The following HEPHL1 variants were observed in gnomAD, a reference collection of about 807,000 sequenced individuals.
The protein encoded by HEPHL1 is ferroxidase HEPHL1.
In HEPHL1, 123 loss-of-function variants were observed where a neutral mutation model predicts 122.0. The observed-to-expected ratio is 1.01, with a 90% confidence interval of 0.87 to 1.17. HEPHL1 has a LOEUF of 1.17. Ranked by LOEUF, HEPHL1 falls within the 50% of genes most tolerant of loss-of-function variation. HEPHL1 has a pLI of 0.00. For missense variants in HEPHL1, 1,452 were observed against 1,430.5 expected, an observed-to-expected ratio of 1.01 and a Z score of -0.24; for synonymous variants, 527 against 508.9, an observed-to-expected ratio of 1.04 and a Z score of -0.48.
chr11:94,057,680 C>A (rs1461849501), intron 2 of HEPHL1, among the ~76,000 whole-genome samples: 1 of 152,006 alleles, frequency 6.6e-6, no homozygotes, highest in African/African-American at 2.4e-5. Context: ...TTTCTTCAGC[C>A]CTTTACACAT....
intron 1 of HEPHL1, among the ~76,000 whole-genome samples, chr11:94,030,860 G>A (rs886985195): frequency 6.6e-6 from 1 of 152,048 alleles, no homozygotes; most frequent in Admixed American, 6.6e-5. Context: ...TGGATGCTTG[G>A]ATACAAGAGA....
rs1224791869 is a variant in HEPHL1, at chr11:94,064,476, A to G, written c.774A>G (p.Lys258=). 4 of 1,613,382 alleles carry G rather than the reference A, an allele frequency of 2.5e-6. No homozygotes were observed. Among genetic ancestry groups the G allele is most frequent in the Non-Finnish European group, 3.4e-6 (4 of 1,179,494 alleles). Residue 258 remains lysine (K), a synonymous_variant, in exon 4 of 20, where the codon AAA becomes AAG. Coordinates refer to ENST00000315765, the MANE Select transcript of HEPHL1 (RefSeq NM_001098672.2). The part of the protein sequence containing the change: ...FCTNPDSVDK[K]DAVFQRSNKM... The stretch of plus-strand genomic sequence containing the variant: ...CCAACCCTGATTCAGTTGACAAGAA[A>G]GATGCTGTTTTCCAGAGGAGTAACA...
At chr11:94,060,294 ATG>A (rs1050036898) in intron 2 of HEPHL1, among the ~76,000 whole-genome samples, 3 of 151,556 alleles carry the variant, frequency 2.0e-5, no homozygotes, top group African/African-American at 7.3e-5. Flanking sequence ...TGATATATAT[ATG>A]TGTGTGTATA....
At chr11:94,102,228 T>C (rs1946372936) in intron 14 of HEPHL1, among the ~76,000 whole-genome samples, 1 of 152,236 alleles carries the variant, frequency 6.6e-6, no homozygotes, top group Admixed American at 6.5e-5. Context: ...AGCATTATCC[T>C]GTGTATTTAA....
At chr11:94,093,674 C>T in intron 13 of HEPHL1, 34 bp downstream of exon 13, 6 of 1,600,472 alleles carry the variant, frequency 3.7e-6, no homozygotes, top group Non-Finnish European at 5.1e-6. Flanking sequence ...CACTGTCAGC[C>T]CCAAGCATGT....
chr11:94,072,674 G>C (rs1946085191), intron 6 of HEPHL1, among the ~76,000 whole-genome samples: 1 of 152,046 alleles, frequency 6.6e-6, no homozygotes, highest in African/African-American at 2.4e-5. Flanking sequence ...CAGCAAGAGA[G>C]AGAGGGATGC....
intron 8 of HEPHL1, 56 bp from the exon 9 acceptor site, chr11:94,075,118 A>G: frequency 1.4e-6 from 2 of 1,478,374 alleles, no homozygotes; most frequent in South Asian, 2.4e-5. Flanking sequence ...ACCCAGTCTG[A>G]CCAATGTAAT....
At chr11:94,109,688 C>A (rs541080457) in intron 17 of HEPHL1, among the ~76,000 whole-genome samples, 2 of 152,122 alleles carry the variant, frequency 1.3e-5, no homozygotes, top group Non-Finnish European at 2.9e-5. Flanking sequence ...CCAGGATAAA[C>A]CTTACTTGGT....
chr11:94,028,216 A>C (rs1294340311), intron 1 of HEPHL1, among the ~76,000 whole-genome samples: 1 of 152,230 alleles, frequency 6.6e-6, no homozygotes, highest in Non-Finnish European at 1.5e-5. Flanking sequence ...CTTCCCAACT[A>C]GATGGTAAAA....
intron 3 of HEPHL1, 82 bp from the exon 4 acceptor site, chr11:94,064,249 C>A: frequency 9.3e-7 from 1 of 1,073,340 alleles, no homozygotes; most frequent in Admixed American, 2.3e-5. Context: ...CCAAACTTCA[C>A]ACTTGCCTGA....
chr11:94,102,374 G>C (rs1565362886), intron 14 of HEPHL1, among the ~76,000 whole-genome samples: 1 of 152,218 alleles, frequency 6.6e-6, no homozygotes. Context: ...ATAGGGTTGA[G>C]ATTTGGAACT....
chr11:94,060,483 C>T (rs1234791011), intron 2 of HEPHL1, among the ~76,000 whole-genome samples: 2 of 152,068 alleles, frequency 1.3e-5, no homozygotes, highest in East Asian at 3.9e-4. Context: ...TTATAGATAT[C>T]ATATCCTACA....
chr11:94,052,560 A>G (rs892152145), intron 2 of HEPHL1, among the ~76,000 whole-genome samples: 1 of 152,154 alleles, frequency 6.6e-6, no homozygotes, highest in Non-Finnish European at 1.5e-5. Flanking sequence ...ATCTGCAAAT[A>G]AGGATAATCT....
In HEPHL1 at chr11:94,064,432, A is replaced by T; in HGVS notation, c.730A>T (p.Asn244Tyr). 1.9e-6 allele frequency: 3 copies of T among 1,613,158 alleles called. No individual in the cohort carries two copies. The highest frequency in any genetic ancestry group is 2.2e-5 in the East Asian group (1 of 44,858). The change falls in exon 4 of 20, where the codon AAT becomes TAT. Residue 244 changes from asparagine to tyrosine, a missense_variant. Asn to Tyr is a moderately radical substitution (Grantham distance 143). Transcript: ENST00000315765. ...GAATCAAAGCTGGTACCTCAATGAA[A>T]ATATCAAACATTTCTGCACCAACCC... is the stretch of plus-strand genomic sequence containing the variant. ...DENQSWYLNE[N>Y]IKHFCTNPDS...
chr11:94,046,091 C>CTTTTTTTTTTT (rs755367459), intron 2 of HEPHL1, among the ~76,000 whole-genome samples, 174 bp downstream of exon 2: 5,333 of 64,980 alleles, frequency 0.082, 1,508 homozygotes, highest in Middle Eastern at 0.17. Flanking sequence ...CCCTTTCTTG[C>CTTTTTTTTTTT]TTTTTTTTTT....
chr11:94,025,003 G>T (rs1258810345), intron 1 of HEPHL1, among the ~76,000 whole-genome samples: 1 of 152,034 alleles, frequency 6.6e-6, no homozygotes, highest in African/African-American at 2.4e-5. Flanking sequence ...GGAACAAGAT[G>T]GTGGGTGCCA....
chr11:94,048,734 A>G (rs940649594), intron 2 of HEPHL1, among the ~76,000 whole-genome samples: 1 of 150,262 alleles, frequency 6.7e-6, no homozygotes, highest in Non-Finnish European at 1.5e-5. Flanking sequence ...TCCTTAAATT[A>G]AGAACATTTC....
chr11:94,086,153 A>G lies in HEPHL1; in HGVS notation c.2044A>G (p.Met682Val), dbSNP rs1253985527. The G allele has an allele frequency of 3.1e-6, 5 of 1,612,620 alleles. No individual in the cohort carries two copies. The highest frequency in any genetic ancestry group is 1.7e-4 in the Middle Eastern group (1 of 6,048). The change falls in exon 11 of 20, where the codon ATG becomes GTG. Residue 682 changes from methionine to valine, a missense_variant. Met to Val is a conservative substitution (Grantham distance 21). Coordinates refer to ENST00000315765, the MANE Select transcript of HEPHL1 (RefSeq NM_001098672.2). ...HRDSLALFPHMATTAFMQPDH... is the reference protein window; with the variant it reads ...HRDSLALFPHVATTAFMQPDH... ...AGACTCCCTGGCCCTGTTTCCCCAC[A>G]TGGCCACAACAGCATTCATGCAGCC...
chr11:94,076,355 A>T (rs911568072), intron 9 of HEPHL1, among the ~76,000 whole-genome samples: 4 of 152,218 alleles, frequency 2.6e-5, no homozygotes, highest in African/African-American at 7.2e-5. Context: ...AAGTAGTGAA[A>T]GTTGGCAGTA....
Sources: gnomAD v4.1 joint callset for allele counts (sites outside exome capture counted in the v4.1 genomes callset) on GRCh38, gnomAD v4.1.1 for gene constraint, MANE v1.5 for transcripts, NCBI Gene and HGNC (gene_info 2026-07-23, HGNC 2026-07-21) for gene names.